MRC1: variants seen among roughly 807,000 people sequenced by gnomAD.
MRC1 encodes the protein macrophage mannose receptor 1.
A neutral mutation model predicts 102.9 loss-of-function variants in MRC1; 62 were observed. The ratio of observed to expected loss-of-function variants is 0.60; its 90% CI spans 0.49 to 0.74. The LOEUF is 0.74. Ranked by LOEUF, MRC1 falls within the 30% of genes least tolerant of loss-of-function variation. MRC1 has a pLI of 0.00. For missense variants in MRC1, 1,237 were observed against 862.8 expected (o/e 1.43, Z -5.43); for synonymous variants, 457 against 298.4 (o/e 1.53, Z -5.48).
At chr10:17,864,757 AG>A (rs1833237589) in intron 11 of MRC1, among the ~76,000 whole-genome samples, 1 of 150,462 alleles carries the variant, frequency 6.6e-6, no homozygotes, top group Admixed American at 6.7e-5. Context: ...TGAACCTGGA[AG>A]GCAGAGGTTG....
chr10:17,871,118 C>G (rs1833349340), intron 14 of MRC1, among the ~76,000 whole-genome samples, 183 bp downstream of exon 14: 1 of 151,948 alleles, frequency 6.6e-6, no homozygotes, highest in East Asian at 1.9e-4. Flanking sequence ...TCTTTTAGAT[C>G]AATAGAAATG....
intron 22 of MRC1, among the ~76,000 whole-genome samples, chr10:17,886,657 C>T (rs1285684089): frequency 6.6e-6 from 1 of 152,176 alleles, no homozygotes; most frequent in Non-Finnish European, 1.5e-5. Context: ...CTACCTTGGC[C>T]TCCCAAAGTG....
chr10:17,870,914 T>C lies in MRC1; in HGVS notation c.2178T>C (p.Phe726=). 1.1e-6 allele frequency: 1 copy of C among 872,460 alleles called. No individual in the cohort carries two copies. The highest frequency in any genetic ancestry group is 2.0e-6 in the Non-Finnish European group (1 of 501,240). 54.0% of individuals were successfully genotyped at this position (872,460 alleles called of 1,614,324 possible). A position where few individuals can be genotyped will look rare whatever the true frequency, so the allele number is the denominator to read the frequency against. ...GLTYGSPSEG[F]TWSDGSPVSY... ...CATATGGAAGCCCTTCAGAAGGTTT[T>C]ACTTGGAGTGATGGTTCTCCTGTGA... Residue 726 remains phenylalanine (F), a synonymous_variant, in exon 14 of 30, where the codon TTT becomes TTC. Transcript: ENST00000569591.
At chr10:17,820,254 C>T (rs1018668844) in intron 1 of MRC1, among the ~76,000 whole-genome samples, 1 of 151,954 alleles carries the variant, frequency 6.6e-6, no homozygotes, top group Non-Finnish European at 1.5e-5. Context: ...TTTGGGTAGA[C>T]ATGGTAGATT....
chr10:17,851,866 A>G (rs1236186084), intron 7 of MRC1, among the ~76,000 whole-genome samples: 1 of 152,224 alleles, frequency 6.6e-6, no homozygotes, highest in Non-Finnish European at 1.5e-5. Flanking sequence ...GCAAAGTTGA[A>G]TGACAACTTT....
chr10:17,899,222 T>A (rs2130715636), intron 24 of MRC1, among the ~76,000 whole-genome samples: 1 of 152,210 alleles, frequency 6.6e-6, no homozygotes, highest in South Asian at 2.1e-4. Flanking sequence ...ATTTCCTAAG[T>A]AGGGAAGTGT....
chr10:17,825,683 A>T (rs1443354148), intron 2 of MRC1, among the ~76,000 whole-genome samples: 2 of 152,214 alleles, frequency 1.3e-5, no homozygotes, highest in Non-Finnish European at 2.9e-5. Flanking sequence ...GCAGTGAGCC[A>T]TCATTGCGCC....
chr10:17,828,093 T>G (rs2130601344), intron 3 of MRC1, among the ~76,000 whole-genome samples: 1 of 152,334 alleles, frequency 6.6e-6, no homozygotes, highest in African/African-American at 2.4e-5. Context: ...TATTTATTTT[T>G]TGAGACGGAG....
chr10:17,888,289 T>C (rs1833628165), intron 22 of MRC1, among the ~76,000 whole-genome samples: 1 of 151,984 alleles, frequency 6.6e-6, no homozygotes, highest in South Asian at 2.1e-4. Flanking sequence ...AGAAAGGAAA[T>C]AGGGTGAGTG....
At chr10:17,883,326 G>T (rs1833544394) in intron 21 of MRC1, among the ~76,000 whole-genome samples, 2 of 152,032 alleles carry the variant, frequency 1.3e-5, no homozygotes, top group African/African-American at 4.8e-5. Context: ...AGAGGGTCTT[G>T]CTATGTTGCC....
At chr10:17,834,814 T>C (rs1220281893) in intron 4 of MRC1, among the ~76,000 whole-genome samples, 3 of 152,208 alleles carry the variant, frequency 2.0e-5, no homozygotes, top group Non-Finnish European at 4.4e-5. Flanking sequence ...TTCTAAAATA[T>C]ACACTTGGGG....
intron 3 of MRC1, among the ~76,000 whole-genome samples, chr10:17,832,885 G>A (rs1456926872): frequency 1.3e-5 from 2 of 152,046 alleles, no homozygotes; most frequent in African/African-American, 2.4e-5. Flanking sequence ...CGCTGTGCCC[G>A]GCTATTTTTA....
intron 9 of MRC1, among the ~76,000 whole-genome samples, chr10:17,858,952 T>C (rs1372244910): frequency 1.3e-5 from 2 of 152,272 alleles, no homozygotes; most frequent in Non-Finnish European, 2.9e-5. Context: ...TTCTATTGTC[T>C]ATGCTTTCTG....
intron 1 of MRC1, among the ~76,000 whole-genome samples, chr10:17,809,881 A>C (rs1227337501): frequency 1.3e-5 from 2 of 152,090 alleles, no homozygotes; most frequent in South Asian, 2.1e-4. Context: ...TTCAATTCAC[A>C]CTATTTCTGT....
Position 17,879,575 on chromosome 10 carries a change from C to T in MRC1, c.2619-146C>T. The T allele has an allele frequency of 7.8e-6, 6 of 773,210 alleles. No homozygotes were observed. In the South Asian group the frequency reaches 8.2e-5, roughly 11 times the overall value. The allele number at this position is 773,210 out of a possible 1,614,324, so 47.9% of individuals were successfully genotyped here. A position where few individuals can be genotyped will look rare whatever the true frequency, so the allele number is the denominator to read the frequency against. ...ATGGAGTTTCCCCATGTTGGTCAGG[C>T]TAGACTCGAACTCCTGGCCTCAGGT... is the stretch of plus-strand genomic sequence containing the variant. On this transcript the variant is annotated intron_variant, in intron 18 of 29. Transcript: ENST00000569591.
At chr10:17,849,548 A>AT (rs782362399) in intron 6 of MRC1, 31 bp from the exon 7 acceptor site, 2 of 681,646 alleles carry the variant, frequency 2.9e-6, no homozygotes, top group South Asian at 1.4e-5. Flanking sequence ...ATCTTTTAAA[A>AT]TTTTTTTCCG....
chr10:17,856,410 G>A, intron 9 of MRC1, 58 bp downstream of exon 9: 1 of 808,410 alleles, frequency 1.2e-6, no homozygotes, highest in East Asian at 2.6e-5. Flanking sequence ...GATACCGTTG[G>A]CTTTATTTTT....
At chr10:17,893,005 T>A (rs1439664193) in intron 22 of MRC1, among the ~76,000 whole-genome samples, 1 of 108,494 alleles carries the variant, frequency 9.2e-6, no homozygotes, top group African/African-American at 3.7e-5. Context: ...CGAGACTCCA[T>A]CTAGGAAAAA....
chr10:17,812,108 G>A (rs1838232238), intron 1 of MRC1, among the ~76,000 whole-genome samples: 1 of 152,082 alleles, frequency 6.6e-6, no homozygotes, highest in African/African-American at 2.4e-5. Flanking sequence ...CTTCAGGAGA[G>A]CATCCCACAG....
Sources: allele counts gnomAD v4.1 joint callset (sites outside exome capture counted in the v4.1 genomes callset), GRCh38; gene constraint gnomAD v4.1.1; transcripts MANE v1.5; gene names NCBI Gene and HGNC (gene_info 2026-07-23, HGNC 2026-07-21).